The following TMEM69 variants were observed in gnomAD, a reference collection of about 807,000 sequenced individuals.
TMEM69 encodes transmembrane protein 69, also known as chromosome 1 open reading frame 154.
A neutral mutation model predicts 15.8 loss-of-function variants in TMEM69; 17 were observed. That is an observed-to-expected ratio of 1.07 (90% CI 0.73 to 1.61). TMEM69 has a LOEUF of 1.61. Ranked by LOEUF, TMEM69 falls within the 40% of genes most tolerant of loss-of-function variation. The pLI is 0.00. For missense variants in TMEM69, 230 were observed against 286.1 expected (o/e 0.80, Z 1.41); for synonymous variants, 80 against 98.6 (o/e 0.81, Z 1.12).
chr1:45,693,327 G>A lies in TMEM69; in HGVS notation c.166G>A (p.Ala56Thr). 1.9e-6 allele frequency: 3 copies of A among 1,614,072 alleles called. No homozygotes were observed. The highest frequency in any genetic ancestry group is 2.5e-6 in the Non-Finnish European group (3 of 1,180,010). The change falls in exon 3 of 3, where the codon GCG becomes ACG. Residue 56 changes from alanine to threonine, a missense_variant. By Grantham distance (58) the Ala-to-Thr change is moderately conservative. Coordinates refer to ENST00000372025, the MANE Select transcript of TMEM69 (RefSeq NM_016486.4). ...GCCTTGGCTTTCCTCATCATTTCCA[G>A]CGTATATGAGCAAGACACAGTGCTA... ...PRPWLSSSFP[A>T]YMSKTQCYHT...
chr1:45,693,117 C>T (rs1358868725), intron 2 of TMEM69, 87 bp from the exon 3 acceptor site: 2 of 944,218 alleles, frequency 2.1e-6, no homozygotes, highest in South Asian at 1.9e-5. Context: ...TCAAACAATC[C>T]CCATTATTTC....
Position 45,693,724 on chromosome 1 carries a change from C to G in TMEM69, c.563C>G (p.Thr188Arg). 1 of 1,614,140 alleles carries G rather than the reference C, an allele frequency of 6.2e-7. No homozygotes were observed. Among genetic ancestry groups the G allele is most frequent in the Non-Finnish European group, 8.5e-7 (1 of 1,180,032 alleles). Residue 188 changes from threonine to arginine, a missense_variant, in exon 3 of 3, where the codon ACA becomes AGA. By Grantham distance (71) the Thr-to-Arg change is moderately conservative (BLOSUM62 -1). Coordinates refer to ENST00000372025, the MANE Select transcript of TMEM69 (RefSeq NM_016486.4). ...GAAAGACTTAGTGAAGCCATAGTCACAGTAATAATGGGTATGGGAGTAGCA... is the reference window on the plus strand; with the variant it reads ...GAAAGACTTAGTGAAGCCATAGTCAGAGTAATAATGGGTATGGGAGTAGCA... The part of the protein sequence containing the change: ...ISERLSEAIV[T>R]VIMGMGVAFH...
chr1:45,693,562 C>T lies in TMEM69; in HGVS notation c.401C>T (p.Ala134Val), dbSNP rs765557617. The T allele has an allele frequency of 6.2e-7, 1 of 1,614,194 alleles. No homozygotes were observed. The highest frequency in any genetic ancestry group is 2.2e-5 in the East Asian group (1 of 44,888). ...ILAFTQMAYGASFLSFLGGIR... is the reference protein window; with the variant it reads ...ILAFTQMAYGVSFLSFLGGIR... The stretch of plus-strand genomic sequence containing the variant: ...GCTTTTACTCAGATGGCTTATGGAG[C>T]CAGTTTCCTATCTTTCTTGGGTGGG... The change falls in exon 3 of 3, where the codon GCC becomes GTC. Residue 134 changes from alanine to valine, a missense_variant. Physicochemically the swap from Ala to Val is moderately conservative, Grantham distance 64 (BLOSUM62 0). Coordinates refer to ENST00000372025, the MANE Select transcript of TMEM69 (RefSeq NM_016486.4).
chr1:45,691,968 T>C (rs1477625426), intron 2 of TMEM69, among the ~76,000 whole-genome samples: 1 of 118,818 alleles, frequency 8.4e-6, no homozygotes, highest in African/African-American at 3.0e-5. Context: ...GACAACATGG[T>C]GAAACCCTGT....
In TMEM69 at chr1:45,693,413, A is replaced by G. The variant is rs768588521; in HGVS notation, c.252A>G (p.Ser84=). Residue 84 remains serine, a synonymous_variant, in exon 3 of 3, where the codon TCA becomes TCG. Coordinates refer to ENST00000372025, the MANE Select transcript of TMEM69 (RefSeq NM_016486.4). The part of the protein sequence containing the change: ...QQKQALLARP[S]STITYLTDSP... ...AGCAAGCACTTCTAGCCAGACCCTC[A>G]AGCACCATCACTTACCTAACTGACA... 5.0e-6 allele frequency: 8 copies of G among 1,614,046 alleles called. 1 individual carries two copies. The highest frequency in any genetic ancestry group is 4.4e-5 in the South Asian group (4 of 91,088).
At chr1:45,688,552 C>G (rs994172124) in intron 1 of TMEM69, among the ~76,000 whole-genome samples, 4 of 152,236 alleles carry the variant, frequency 2.6e-5, no homozygotes, top group Non-Finnish European at 5.9e-5. Flanking sequence ...CATCACCTGC[C>G]GTCCCTGGAC....
intron 1 of TMEM69, among the ~76,000 whole-genome samples, chr1:45,688,800 A>G (rs1438522916): frequency 6.6e-6 from 1 of 151,518 alleles, no homozygotes; most frequent in Admixed American, 6.6e-5. Context: ...AGGATTACTT[A>G]CCTCCCTACT....
At position 45,693,295 on chromosome 1, in the gene TMEM69, G is replaced by A. The variant is rs919435559; in HGVS notation, c.134G>A (p.Cys45Tyr). ...TCTCTCCAGCAAAACTTTTCCCCAT[G>A]TCCAAGGCCTTGGCTTTCCTCATCA... ...KMSLQQNFSP[C>Y]PRPWLSSSFP... Residue 45 changes from cysteine to tyrosine, a missense_variant, in exon 3 of 3, where the codon TGT becomes TAT. By Grantham distance (194) the Cys-to-Tyr change is radical. Transcript: ENST00000372025. The A allele has an allele frequency of 6.2e-7, 1 of 1,614,046 alleles. No individual in the cohort carries two copies. Among genetic ancestry groups the A allele is most frequent in the Non-Finnish European group, 8.5e-7 (1 of 1,180,014 alleles).
Position 45,691,129 on chromosome 1 carries a change from T to C in TMEM69, c.42+19T>C. ...TTCAAAGGTTGGTTTGTTCAGCAGA[T>C]ATTTGAGCACTATTTGCCAAATATT... is the stretch of plus-strand genomic sequence containing the variant. On this transcript the variant is annotated intron_variant, in intron 2 of 2. Transcript: ENST00000372025. 6.2e-7 allele frequency: 1 copy of C among 1,613,618 alleles called. No homozygotes were observed. The highest frequency in any genetic ancestry group is 8.5e-7 in the Non-Finnish European group (1 of 1,179,512).
rs567473350 is a variant in TMEM69, at chr1:45,694,178, A to G, written c.*273A>G. 7.6e-5 allele frequency: 36 copies of G among 474,066 alleles called. No homozygotes were observed. The South Asian group carries it at 9.7e-4, about 13-fold the overall frequency. 29.4% of individuals were successfully genotyped at this position (474,066 alleles called of 1,614,324 possible). A position where few individuals can be genotyped will look rare whatever the true frequency, so the allele number is the denominator to read the frequency against. On this transcript the variant is annotated 3_prime_UTR_variant, in exon 3 of 3. Coordinates refer to ENST00000372025, the MANE Select transcript of TMEM69 (RefSeq NM_016486.4). ...TAAATACACTGTAGATAACATTTGT[A>G]TGCCAGCTACACCTTTTTCTACTTC...
chr1:45,690,948 T>G (rs765328335), intron 1 of TMEM69, 26 bp from the exon 2 acceptor site: 54 of 992,840 alleles, frequency 5.4e-5, no homozygotes, highest in Non-Finnish European at 8.4e-5. Flanking sequence ...TGAGGAAAAT[T>G]AAGTGACACC....
rs747964985 is a variant in TMEM69, at chr1:45,693,523, AT to A, written c.363del (p.Tyr121Ter). ...CTGGTCATGCTGATGACAAAAACTT[AT>A]ATTCCCATATTAGCTTTTACTCAGA... ...PPLVMLMTKT[Y>X]IPILAFTQMA... On this transcript the variant is annotated frameshift_variant, in exon 3 of 3. Coordinates refer to ENST00000372025, the MANE Select transcript of TMEM69 (RefSeq NM_016486.4). LOFTEE classifies it high-confidence loss of function. The A allele has an allele frequency of 6.2e-6, 10 of 1,614,090 alleles. No individual in the cohort carries two copies. In the African/African-American group the frequency reaches 1.3e-4, roughly 22 times the overall value.
chr1:45,688,346 G>T (rs149985128), intron 1 of TMEM69, 71 bp downstream of exon 1: 1 of 152,122 alleles, frequency 6.6e-6, no homozygotes, highest in Non-Finnish European at 1.5e-5. Context: ...GGGCACCAAG[G>T]GTTGGTAGTA....
rs1645365295 is a variant in TMEM69 at position 45,694,074 on chromosome 1, T to A, written c.*169T>A. On this transcript the variant is annotated 3_prime_UTR_variant, in exon 3 of 3. Transcript: ENST00000372025. ...TGTGAAGTGACAGCCTTGTGTGTGA[T>A]CTTTTCTGTCTTCCCCAAGTTTGCA... is the stretch of plus-strand genomic sequence containing the variant. 2.1e-6 allele frequency: 1 copy of A among 471,188 alleles called. No homozygotes were observed. The highest frequency in any genetic ancestry group is 3.7e-6 in the Non-Finnish European group (1 of 271,818). 29.2% of individuals were successfully genotyped at this position (471,188 alleles called of 1,614,324 possible).
chr1:45,693,687 T>G lies in TMEM69; in HGVS notation c.526T>G (p.Phe176Val). 1 of 1,614,190 alleles carries G rather than the reference T, an allele frequency of 6.2e-7. No individual in the cohort carries two copies. The highest frequency in any genetic ancestry group is 8.5e-7 in the Non-Finnish European group (1 of 1,180,034). The change falls in exon 3 of 3, where the codon TTC becomes GTC. Residue 176 changes from phenylalanine (F) to valine (V), a missense_variant. Coordinates refer to ENST00000372025, the MANE Select transcript of TMEM69 (RefSeq NM_016486.4). ...AAPLFFSWFA[F>V]LISERLSEAI... ...TCCTCTTTTCTTTTCATGGTTTGCC[T>G]TCCTTATTTCTGAAAGACTTAGTGA...
intron 1 of TMEM69, among the ~76,000 whole-genome samples, chr1:45,689,723 A>T (rs534162191): frequency 6.6e-6 from 1 of 152,328 alleles, no homozygotes; most frequent in African/African-American, 2.4e-5. Flanking sequence ...CTGTAGTCCC[A>T]GCTACTCAGG....
chr1:45,690,825 A>G (rs946651323), intron 1 of TMEM69, 149 bp from the exon 2 acceptor site: 3 of 546,062 alleles, frequency 5.5e-6, no homozygotes, highest in African/African-American at 1.9e-5. Context: ...TTCAGATACT[A>G]AAAGGATCTA....
chr1:45,689,301 T>C (rs893264702), intron 1 of TMEM69, among the ~76,000 whole-genome samples: 2 of 152,204 alleles, frequency 1.3e-5, no homozygotes, highest in African/African-American at 4.8e-5. Flanking sequence ...TAGATCCATA[T>C]TATCATTCAC....
intron 2 of TMEM69, among the ~76,000 whole-genome samples, chr1:45,692,260 G>A (rs770060304): frequency 1.3e-5 from 2 of 152,200 alleles, no homozygotes; most frequent in African/African-American, 2.4e-5. Context: ...CAAATGGCAG[G>A]GGATCGGAAG....
Sources: gnomAD v4.1 joint callset for allele counts (sites outside exome capture counted in the v4.1 genomes callset) on GRCh38, gnomAD v4.1.1 for gene constraint, MANE v1.5 for transcripts, NCBI Gene and HGNC (gene_info 2026-07-23, HGNC 2026-07-21) for gene names.